THEMIS: variants seen among roughly 807,000 people sequenced by gnomAD.
The protein encoded by THEMIS is thymocyte selection associated.
THEMIS carries 37 observed loss-of-function variants against 52.6 expected under a neutral mutation model. The ratio of observed to expected loss-of-function variants is 0.70; its 90% CI spans 0.54 to 0.93. THEMIS has a LOEUF of 0.93. THEMIS is among the 40% of genes least tolerant of loss of function. The pLI, the probability that THEMIS is intolerant of heterozygous loss-of-function variation, is 0.00. For missense variants in THEMIS, 808 were observed against 763.1 expected (o/e 1.06, Z -0.69); for synonymous variants, 292 against 272.7 (o/e 1.07, Z -0.70).
At chr6:127,895,761 G>A (rs1348253917) in intron 1 of THEMIS, among the ~76,000 whole-genome samples, 1 of 151,314 alleles carries the variant, frequency 6.6e-6, no homozygotes, top group African/African-American at 2.4e-5. Context: ...CAGCTCAGGA[G>A]GCCTTCATTG....
intron 4 of THEMIS, among the ~76,000 whole-genome samples, chr6:127,778,123 T>C (rs927272721): frequency 1.3e-5 from 2 of 152,166 alleles, no homozygotes; most frequent in Non-Finnish European, 2.9e-5. Context: ...GCTGAAGGAA[T>C]TTTTGAGCAA....
intron 4 of THEMIS, among the ~76,000 whole-genome samples, chr6:127,780,947 A>G (rs1776723528): frequency 6.6e-6 from 1 of 152,074 alleles, no homozygotes; most frequent in Non-Finnish European, 1.5e-5. Flanking sequence ...CTGTCTTGCT[A>G]GGTTGGGGAA....
intron 3 of THEMIS, among the ~76,000 whole-genome samples, chr6:127,825,008 GTGTAAAATA>G (rs1778460614): frequency 6.6e-6 from 1 of 152,038 alleles, no homozygotes. Context: ...AACAAGAACA[GTGTAAAATA>G]TGTAAAATGA....
At chr6:127,721,657 T>C (rs1286335723) in intron 4 of THEMIS, among the ~76,000 whole-genome samples, 3 of 151,976 alleles carry the variant, frequency 2.0e-5, no homozygotes, top group African/African-American at 7.2e-5. Flanking sequence ...TCCACAAAAA[T>C]ATAAGCCCAT....
chr6:127,815,375 A>T (rs1410915195), intron 3 of THEMIS, among the ~76,000 whole-genome samples: 1 of 152,172 alleles, frequency 6.6e-6, no homozygotes, highest in Non-Finnish European at 1.5e-5. Context: ...ATATCCTCTT[A>T]TAAAACATTA....
At chr6:127,914,387 CAT>C (rs1180908188) in intron 1 of THEMIS, among the ~76,000 whole-genome samples, 1 of 152,128 alleles carries the variant, frequency 6.6e-6, no homozygotes, top group African/African-American at 2.4e-5. Flanking sequence ...CATTATGAAA[CAT>C]AGTCATGTGT....
At chr6:127,875,306 T>A (rs535155361) in intron 1 of THEMIS, among the ~76,000 whole-genome samples, 1 of 152,350 alleles carries the variant, frequency 6.6e-6, no homozygotes, top group Non-Finnish European at 1.5e-5. Flanking sequence ...TGTGTGCAAC[T>A]TTTGACACCA....
chr6:127,878,869 T>C (rs952206783), intron 1 of THEMIS, among the ~76,000 whole-genome samples: 4 of 152,308 alleles, frequency 2.6e-5, no homozygotes, highest in Admixed American at 6.5e-5. Context: ...GCAGTAAAAA[T>C]AAAATGCTAT....
At chr6:127,702,091 T>C in the THEMIS span, among the ~76,000 whole-genome samples, 1 of 152,152 alleles carries the variant, frequency 6.6e-6, no homozygotes, top group African/African-American at 2.4e-5. Flanking sequence ...AGAATTCAAT[T>C]GACTGTAAGC....
At chr6:127,774,389 T>C (rs1018951534) in intron 4 of THEMIS, among the ~76,000 whole-genome samples, 1 of 152,078 alleles carries the variant, frequency 6.6e-6, no homozygotes, top group African/African-American at 2.4e-5. Flanking sequence ...GTATTTTTAG[T>C]ACAGACGGGG....
At chr6:127,843,534 T>C (rs1394934451) in intron 2 of THEMIS, among the ~76,000 whole-genome samples, 3 of 152,032 alleles carry the variant, frequency 2.0e-5, no homozygotes, top group Non-Finnish European at 4.4e-5. Flanking sequence ...GTTGAAAGTA[T>C]AATATCCTAG....
chr6:127,808,537 A>G (rs1465281546), intron 4 of THEMIS, among the ~76,000 whole-genome samples: 1 of 152,170 alleles, frequency 6.6e-6, no homozygotes, highest in Non-Finnish European at 1.5e-5. Context: ...TCATAAACCT[A>G]AAGAAAATTT....
At chr6:127,742,487 T>C (rs1775243754) in intron 4 of THEMIS, among the ~76,000 whole-genome samples, 1 of 152,142 alleles carries the variant, frequency 6.6e-6, no homozygotes, top group South Asian at 2.1e-4. Context: ...AGTAGTATTA[T>C]TCACAACAGC....
At chr6:127,902,731 C>T (rs1485149730), upstream of THEMIS, among the ~76,000 whole-genome samples, 1 of 151,922 alleles carries the variant, frequency 6.6e-6, no homozygotes, top group Non-Finnish European at 1.5e-5. Flanking sequence ...AATGTCCTAC[C>T]CTTGATCTGT....
chr6:127,851,980 G>A (rs1222242743), intron 2 of THEMIS, among the ~76,000 whole-genome samples: 1 of 151,532 alleles, frequency 6.6e-6, no homozygotes, highest in Non-Finnish European at 1.5e-5. Context: ...TCATGGTAAA[G>A]CTGAAAAATT....
At chr6:127,902,554 T>C (rs77804452), upstream of THEMIS, among the ~76,000 whole-genome samples, 176 of 152,206 alleles carry the variant, frequency 1.2e-3, 5 homozygotes, top group East Asian at 0.03. Context: ...CTAGTTTTGA[T>C]ATGGAGCTTA....
chr6:127,803,969 T>A (rs191188814), intron 4 of THEMIS, among the ~76,000 whole-genome samples: 1 of 152,278 alleles, frequency 6.6e-6, no homozygotes, highest in Non-Finnish European at 1.5e-5. Flanking sequence ...AAGCAGATTT[T>A]AACAGAAAAA....
intron 4 of THEMIS, among the ~76,000 whole-genome samples, chr6:127,736,541 A>G (rs932594167): frequency 1.1e-4 from 17 of 152,350 alleles, no homozygotes; most frequent in African/African-American, 3.6e-4. Flanking sequence ...TAAAATTTCT[A>G]TGCAAGTATG....
At chr6:127,913,735 A>ATT (rs1781460844) in intron 1 of THEMIS, among the ~76,000 whole-genome samples, 12 of 152,330 alleles carry the variant, frequency 7.9e-5, no homozygotes, top group Admixed American at 5.9e-4. Flanking sequence ...GAACTTCATA[A>ATT]ATAAGCTGAA....
Sources: allele counts gnomAD v4.1 joint callset (sites outside exome capture counted in the v4.1 genomes callset), GRCh38; gene constraint gnomAD v4.1.1; transcripts MANE v1.5; gene names NCBI Gene and HGNC (gene_info 2026-07-23, HGNC 2026-07-21).